Variants in ELP4 observed in about 807,000 individuals in gnomAD.
ELP4 encodes elongator complex protein 4.
A neutral mutation model predicts 48.9 loss-of-function variants in ELP4; 51 were observed. The ratio of observed to expected loss-of-function variants is 1.04; its 90% CI spans 0.83 to 1.32. The LOEUF (loss-of-function observed/expected upper bound fraction) is 1.32. Ranked by LOEUF, ELP4 falls within the 40% of genes most tolerant of loss-of-function variation. ELP4 has a pLI of 0.00. For missense variants in ELP4, 519 were observed against 514.6 expected (o/e 1.01, Z -0.08); for synonymous variants, 210 against 189.2 (o/e 1.11, Z -0.90).
intron 9 of ELP4, among the ~76,000 whole-genome samples, chr11:31,700,545 TA>T (rs1477272765): frequency 6.6e-5 from 10 of 152,084 alleles, no homozygotes; most frequent in Admixed American, 4.6e-4. Flanking sequence ...TGGGTCTGTA[TA>T]AGGTATCCTG....
intron 9 of ELP4, among the ~76,000 whole-genome samples, chr11:31,736,085 G>T (rs1368379615): frequency 4.6e-5 from 7 of 152,162 alleles, no homozygotes; most frequent in African/African-American, 1.7e-4. Context: ...ATACTACAAG[G>T]CTACAGTAAC....
At chr11:31,724,330 A>G (rs1191758419) in intron 9 of ELP4, among the ~76,000 whole-genome samples, 1 of 152,222 alleles carries the variant, frequency 6.6e-6, no homozygotes, top group Non-Finnish European at 1.5e-5. Context: ...ATGTTTCTTT[A>G]TATAAAAACT....
chr11:31,669,240 C>T (rs1945754055), intron 9 of ELP4, among the ~76,000 whole-genome samples: 1 of 151,868 alleles, frequency 6.6e-6, no homozygotes, highest in Admixed American at 6.6e-5. Context: ...CTGGGACTAC[C>T]ATGCCCAGCT....
intron 9 of ELP4, among the ~76,000 whole-genome samples, chr11:31,776,455 T>C (rs1185372155): frequency 6.6e-6 from 1 of 152,220 alleles, no homozygotes; most frequent in Non-Finnish European, 1.5e-5. Context: ...ACCTCTGTTC[T>C]AGAAGGCTAT....
intron 3 of ELP4, among the ~76,000 whole-genome samples, chr11:31,575,599 A>G (rs1957261954): frequency 6.6e-6 from 1 of 152,272 alleles, no homozygotes; most frequent in Non-Finnish European, 1.5e-5. Flanking sequence ...CTCTCGGCAG[A>G]CATTCTACAA....
chr11:31,756,142 G>A (rs1236752690), intron 9 of ELP4, among the ~76,000 whole-genome samples: 2 of 152,168 alleles, frequency 1.3e-5, no homozygotes, highest in Non-Finnish European at 2.9e-5. Context: ...ATCTTCACTT[G>A]CCTGGATTGC....
intron 3 of ELP4, among the ~76,000 whole-genome samples, chr11:31,541,252 G>T (rs1956586043): frequency 6.6e-6 from 1 of 152,166 alleles, no homozygotes; most frequent in Non-Finnish European, 1.5e-5. Flanking sequence ...GACTTTGCTT[G>T]TTAAATAATA....
rs761665982 is a variant in ELP4 at position 31,559,632 on chromosome 11, G to A, written c.381+19849G>A. Among the ~76,000 whole-genome samples, 14 of 152,204 alleles carry A rather than the reference G, an allele frequency of 9.2e-5. No individual in the cohort carries two copies. The South Asian group carries it at 1.0e-3, about 11-fold the overall frequency. ...AGAAAATCAGTTTTGGGCCGGGAGC[G>A]GCGGCTCACCCCTGTAATCCTAGCA... On this transcript the variant is annotated intron_variant, in intron 3 of 9. Transcript: ENST00000640961.
intron 9 of ELP4, among the ~76,000 whole-genome samples, chr11:31,730,617 C>T (rs1201914999): frequency 6.6e-6 from 1 of 152,140 alleles, no homozygotes; most frequent in Non-Finnish European, 1.5e-5. Flanking sequence ...TCTCTCAGAG[C>T]ACTGACACGG....
At chr11:31,675,499 G>T (rs1337311958) in intron 9 of ELP4, among the ~76,000 whole-genome samples, 1 of 152,056 alleles carries the variant, frequency 6.6e-6, no homozygotes. Flanking sequence ...GACCTCAGGT[G>T]ATCCGCCCGC....
Position 31,766,809 on chromosome 11 carries a change from T to C in ELP4, c.1144-16584T>C, listed in dbSNP as rs550317282. Among the ~76,000 whole-genome samples the C allele has an allele frequency of 2.6e-5, 4 of 152,248 alleles. No homozygotes were observed. The South Asian group carries it at 6.2e-4, about 24-fold the overall frequency. On this transcript the variant is annotated intron_variant, in intron 9 of 9. Transcript: ENST00000640961. ...TACTCTGTAATTTACAAATATTTGA[T>C]TGGGTAAATGTTTGATGTATTTGCT...
chr11:31,635,786 A>T lies in ELP4; in HGVS notation c.927+3381A>T, dbSNP rs189513767. On this transcript the variant is annotated intron_variant, in intron 7 of 9. Transcript: ENST00000640961. ...CTTAAACAGATCTCCAAAATTGAGG[A>T]TTTGAACAGAGATCAGGCTACAAAA... Among the ~76,000 whole-genome samples, 32 of 152,164 alleles carry T rather than the reference A, an allele frequency of 2.1e-4. No homozygotes were observed. In the East Asian group the frequency reaches 6.2e-3, roughly 29 times the overall value.
chr11:31,680,963 C>T (rs1170397272), intron 9 of ELP4, among the ~76,000 whole-genome samples: 1 of 152,072 alleles, frequency 6.6e-6, no homozygotes, highest in African/African-American at 2.4e-5. Flanking sequence ...TATGAATTAG[C>T]TGACGTATCA....
chr11:31,660,789 C>G (rs1945539694), intron 9 of ELP4, among the ~76,000 whole-genome samples: 1 of 151,650 alleles, frequency 6.6e-6, no homozygotes, highest in South Asian at 2.1e-4. Flanking sequence ...CATTGAGATT[C>G]AAAATTTGTC....
chr11:31,789,205 T>G lies in ELP4; in HGVS notation c.*5681T>G, dbSNP rs1949024584. 9 of 207,960 alleles carry G rather than the reference T, an allele frequency of 4.3e-5. No individual in the cohort carries two copies. The highest frequency in any genetic ancestry group is 2.9e-5 in the Non-Finnish European group (3 of 102,042). 12.9% of individuals were successfully genotyped at this position (207,960 alleles called of 1,614,324 possible). A position where few individuals can be genotyped will look rare whatever the true frequency, so the allele number is the denominator to read the frequency against. On this transcript the variant is annotated 3_prime_UTR_variant, in exon 10 of 10. Transcript: ENST00000640961. Reference sequence around the variant, plus strand: ...CATCTATATTCTTGTCAAATATAAATGAAATTAACTTTATTATAGAAATCA... The same window carrying G: ...CATCTATATTCTTGTCAAATATAAAGGAAATTAACTTTATTATAGAAATCA...
At chr11:31,725,305 C>T (rs1372166021) in intron 9 of ELP4, among the ~76,000 whole-genome samples, 2 of 152,184 alleles carry the variant, frequency 1.3e-5, no homozygotes, top group East Asian at 3.9e-4. Flanking sequence ...CTGATGGATT[C>T]CCCTTGCCAG....
chr11:31,746,803 G>A (rs1436172985), intron 9 of ELP4, among the ~76,000 whole-genome samples: 3 of 151,978 alleles, frequency 2.0e-5, no homozygotes, highest in African/African-American at 7.3e-5. Flanking sequence ...ACGAGTTAAT[G>A]GGTGCAGCAC....
chr11:31,647,647 T>G, intron 7 of ELP4, 94 bp from the exon 8 acceptor site: 1 of 767,420 alleles, frequency 1.3e-6, no homozygotes, highest in Non-Finnish European at 2.2e-6. Context: ...CTATCTCCAC[T>G]ACAGTTTTTC....
chr11:31,719,222 A>C (rs1156683388), intron 9 of ELP4, among the ~76,000 whole-genome samples: 1 of 151,886 alleles, frequency 6.6e-6, no homozygotes, highest in Admixed American at 6.6e-5. Flanking sequence ...GCACCACTGC[A>C]ATACTCCAGC....
Sources: allele counts gnomAD v4.1 joint callset (sites outside exome capture counted in the v4.1 genomes callset), GRCh38; gene constraint gnomAD v4.1.1; transcripts MANE v1.5; gene names NCBI Gene and HGNC (gene_info 2026-07-23, HGNC 2026-07-21).